PPAT: variants seen among roughly 807,000 people sequenced by gnomAD.
PPAT encodes amidophosphoribosyltransferase.
PPAT carries 20 observed loss-of-function variants against 60.2 expected under a neutral mutation model. That is an observed-to-expected ratio of 0.33 (90% CI 0.23 to 0.48). The LOEUF (loss-of-function observed/expected upper bound fraction) is 0.48. Ranked by LOEUF, PPAT falls within the 20% of genes least tolerant of loss-of-function variation. The probability of loss-of-function intolerance (pLI) is 0.99; values close to 1 mark genes in which losing one functional copy is unlikely to be tolerated. For missense variants in PPAT, 349 were observed against 629.6 expected (o/e 0.55, Z 4.77); for synonymous variants, 194 against 215.1 (o/e 0.90, Z 0.86).
At position 56,424,321 on chromosome 4, in the gene PPAT, T is replaced by C. The variant is rs542688576; in HGVS notation, c.128+11029A>G. Reference sequence around the variant, plus strand: ...CTTCTGAAGGTTTTGATCTAGCAGGTTGGAGTCAGTTCAGGCACCCGTATT... The same window carrying C: ...CTTCTGAAGGTTTTGATCTAGCAGGCTGGAGTCAGTTCAGGCACCCGTATT... On this transcript the variant is annotated intron_variant, in intron 1 of 10. Transcript: ENST00000264220. 6.6e-3 allele frequency among the ~76,000 whole-genome samples: 999 copies of C among 152,266 alleles called. 7 individuals carry two copies. Among genetic ancestry groups the C allele is most frequent in the South Asian group, 0.017 (80 of 4,822 alleles).
rs183534659 is a variant in PPAT at position 56,418,830 on chromosome 4, C to G, written c.129-11114G>C. Among the ~76,000 whole-genome samples the G allele has an allele frequency of 2.0e-5, 3 of 152,308 alleles. No homozygotes were observed. The East Asian group carries it at 5.8e-4, about 29-fold the overall frequency. Reference sequence around the variant, plus strand: ...TCAGTAATGTAAATGAAGTATAAAACTGTTCTAGAGACCTAATACACACCA... The same window carrying G: ...TCAGTAATGTAAATGAAGTATAAAAGTGTTCTAGAGACCTAATACACACCA... On this transcript the variant is annotated intron_variant, in intron 1 of 10. Coordinates refer to ENST00000264220, the MANE Select transcript of PPAT (RefSeq NM_002703.5).
chr4:56,412,459 G>A (rs1173459007), intron 1 of PPAT, among the ~76,000 whole-genome samples: 2 of 151,980 alleles, frequency 1.3e-5, no homozygotes, highest in African/African-American at 4.8e-5. Context: ...TGGGGTGTGA[G>A]CCACCATGCC....
At chr4:56,415,100 G>A (rs1015591235) in intron 1 of PPAT, among the ~76,000 whole-genome samples, 2 of 152,146 alleles carry the variant, frequency 1.3e-5, no homozygotes, top group Non-Finnish European at 2.9e-5. Context: ...GGGAATGCCT[G>A]TAAACATAAT....
chr4:56,402,409 T>A (rs1716134480), intron 5 of PPAT, among the ~76,000 whole-genome samples: 3 of 152,050 alleles, frequency 2.0e-5, no homozygotes, highest in Non-Finnish European at 4.4e-5. Flanking sequence ...GATATCTTGA[T>A]AAAAGTGAAA....
At chr4:56,416,439 G>A (rs1716753987) in intron 1 of PPAT, 1 of 627,692 alleles carries the variant, frequency 1.6e-6, no homozygotes, top group Non-Finnish European at 2.0e-6. Context: ...ATGGAACTAG[G>A]TATAGTATAA....
At chr4:56,424,072 G>GT (rs1717174432) in intron 1 of PPAT, among the ~76,000 whole-genome samples, 1 of 151,992 alleles carries the variant, frequency 6.6e-6, no homozygotes, top group Non-Finnish European at 1.5e-5. Flanking sequence ...TTTATTTTTT[G>GT]TATTTCACTG....
At chr4:56,401,088 A>G (rs889998581) in intron 7 of PPAT, among the ~76,000 whole-genome samples, 177 bp from the exon 8 acceptor site, 1 of 152,242 alleles carries the variant, frequency 6.6e-6, no homozygotes, top group African/African-American at 2.4e-5. Context: ...TTTTAAAAAA[A>G]AAATCGACCT....
At chr4:56,403,016 G>C (rs772458246) in intron 5 of PPAT, 24 bp downstream of exon 5, 1 of 1,567,992 alleles carries the variant, frequency 6.4e-7, no homozygotes, top group Non-Finnish European at 8.6e-7. Context: ...ACTATGAAAT[G>C]ATATTCCTTC....
At chr4:56,429,790 T>G (rs148446125) in intron 1 of PPAT, among the ~76,000 whole-genome samples, 3 of 152,220 alleles carry the variant, frequency 2.0e-5, no homozygotes, top group Non-Finnish European at 4.4e-5. Flanking sequence ...TCATTAATCA[T>G]CCTTCCGCCC....
intron 1 of PPAT, chr4:56,422,329 A>T (rs1227664314): frequency 1.3e-5 from 2 of 152,098 alleles, no homozygotes; most frequent in African/African-American, 4.8e-5. Context: ...AAATTTAAAA[A>T]GCCAATATAT....
At chr4:56,413,770 A>G (rs1263841986) in intron 1 of PPAT, among the ~76,000 whole-genome samples, 1 of 151,982 alleles carries the variant, frequency 6.6e-6, no homozygotes, top group Non-Finnish European at 1.5e-5. Flanking sequence ...GGTGGTGGGC[A>G]CCTGTAATCC....
intron 10 of PPAT, 60 bp from the exon 11 acceptor site, chr4:56,395,608 G>A (rs1322933380): frequency 8.9e-6 from 11 of 1,232,208 alleles, no homozygotes; most frequent in East Asian, 2.8e-5. Flanking sequence ...GAAGAAACGC[G>A]TCAACAGAGA....
At chr4:56,420,432 G>A (rs1305189786) in intron 1 of PPAT, 2 of 152,140 alleles carry the variant, frequency 1.3e-5, no homozygotes, top group Non-Finnish European at 2.9e-5. Context: ...CCTGTATTGA[G>A]AATGTTCAGT....
intron 1 of PPAT, among the ~76,000 whole-genome samples, chr4:56,428,402 T>C (rs1225555137): frequency 6.6e-6 from 1 of 151,854 alleles, no homozygotes; most frequent in African/African-American, 2.4e-5. Context: ...AACAAGAAAA[T>C]ATTTGAGGAA....
intron 1 of PPAT, among the ~76,000 whole-genome samples, chr4:56,417,816 G>A (rs770060233): frequency 6.8e-6 from 1 of 147,814 alleles, no homozygotes; most frequent in Non-Finnish European, 1.5e-5. Flanking sequence ...ATTAATCTTC[G>A]GTATAATTTG....
chr4:56,410,908 A>T lies in PPAT; in HGVS notation c.129-3192T>A, dbSNP rs1178709888. ...CAGAGACCACTGAAGGTAAAAAAAA[A>T]AAAAAAAAAAAAAAAAAAAAGAAAA... On this transcript the variant is annotated intron_variant, in intron 1 of 10. Transcript: ENST00000264220. 2.2e-5 allele frequency: 15 copies of T among 682,590 alleles called. No individual in the cohort carries two copies. In the East Asian group the frequency reaches 1.1e-3, roughly 49 times the overall value. 42.3% of individuals were successfully genotyped at this position (682,590 alleles called of 1,614,324 possible).
rs562031530 is a variant in PPAT, at chr4:56,398,424, G to A, written c.1236+755C>T. 2.0e-5 allele frequency among the ~76,000 whole-genome samples: 3 copies of A among 152,142 alleles called. No individual in the cohort carries two copies. In the South Asian group the frequency reaches 6.2e-4, roughly 32 times the overall value. Reference sequence around the variant, plus strand: ...CAAAGGTATTACACTGGGATTGGCTGCATGTCTTCAAGTAGAGAAAGCAAT... The same window carrying A: ...CAAAGGTATTACACTGGGATTGGCTACATGTCTTCAAGTAGAGAAAGCAAT... On this transcript the variant is annotated intron_variant, in intron 9 of 10. Transcript: ENST00000264220.
At chr4:56,403,529 T>A in intron 3 of PPAT, 128 bp from the exon 4 acceptor site, 1 of 694,060 alleles carries the variant, frequency 1.4e-6, no homozygotes, top group South Asian at 2.0e-5. Context: ...TGCATCCCAC[T>A]AATGCAGCAG....
intron 9 of PPAT, among the ~76,000 whole-genome samples, chr4:56,397,072 AAC>A (rs1241503488): frequency 6.6e-6 from 1 of 152,192 alleles, no homozygotes; most frequent in Non-Finnish European, 1.5e-5. Context: ...TTACTACTAC[AAC>A]AGAGTTGTTT....
Sources: gnomAD v4.1 joint callset for allele counts (sites outside exome capture counted in the v4.1 genomes callset) on GRCh38, gnomAD v4.1.1 for gene constraint, MANE v1.5 for transcripts, NCBI Gene and HGNC (gene_info 2026-07-23, HGNC 2026-07-21) for gene names.